SLC30A7: variants seen among roughly 807,000 people sequenced by gnomAD.
SLC30A7 encodes solute carrier family 30 member 7.
SLC30A7 carries 35 observed loss-of-function variants against 46.0 expected under a neutral mutation model. That is an observed-to-expected ratio of 0.76 (90% CI 0.58 to 1.01). SLC30A7 has a LOEUF of 1.01. SLC30A7 is among the 50% of genes least tolerant of loss of function. The pLI, the probability that SLC30A7 is intolerant of heterozygous loss-of-function variation, is 0.00. For missense variants in SLC30A7, 464 were observed against 451.1 expected (o/e 1.03, Z -0.26); for synonymous variants, 147 against 157.8 (o/e 0.93, Z 0.51).
chr1:100,933,421 A>T (rs1209093354), intron 8 of SLC30A7, among the ~76,000 whole-genome samples: 6 of 150,428 alleles, frequency 4.0e-5, no homozygotes, highest in Non-Finnish European at 7.4e-5. Context: ...TTTTTTTTTA[A>T]TTTTTTTTAT....
intron 8 of SLC30A7, among the ~76,000 whole-genome samples, chr1:100,947,196 T>G (rs373583951): frequency 4.0e-4 from 61 of 152,360 alleles, no homozygotes; most frequent in East Asian, 3.5e-3. Context: ...GAGCCTTTAG[T>G]GCTATAATTT....
intron 8 of SLC30A7, among the ~76,000 whole-genome samples, chr1:100,924,421 C>A (rs1227546350): frequency 6.6e-6 from 1 of 152,076 alleles, no homozygotes; most frequent in Non-Finnish European, 1.5e-5. Context: ...CCCTTCCCAC[C>A]AGCATATGTG....
chr1:100,912,697 A>G (rs543428707), intron 5 of SLC30A7, among the ~76,000 whole-genome samples: 27 of 151,838 alleles, frequency 1.8e-4, no homozygotes, highest in Non-Finnish European at 3.4e-4. Context: ...GCTGGGTGAC[A>G]GAGTGAGACT....
intron 8 of SLC30A7, among the ~76,000 whole-genome samples, chr1:100,927,070 G>A (rs968446907): frequency 2.0e-4 from 30 of 152,188 alleles, no homozygotes; most frequent in African/African-American, 6.8e-4. Context: ...AGTGTAACTG[G>A]AGCGCAATGA....
At chr1:100,986,247 T>C (rs898384288), downstream of SLC30A7, among the ~76,000 whole-genome samples, 7 of 151,926 alleles carry the variant, frequency 4.6e-5, no homozygotes, top group African/African-American at 1.7e-4. Flanking sequence ...CCGCCTCTTC[T>C]AAAAATACAA....
chr1:100,969,951 T>C (rs2101097480), intron 10 of SLC30A7, among the ~76,000 whole-genome samples: 1 of 152,316 alleles, frequency 6.6e-6, no homozygotes, highest in South Asian at 2.1e-4. Flanking sequence ...ATGCAATTAG[T>C]ATATGCCAAG....
intron 2 of SLC30A7, among the ~76,000 whole-genome samples, chr1:100,900,754 G>C (rs1156771329): frequency 6.6e-6 from 1 of 152,076 alleles, no homozygotes; most frequent in Non-Finnish European, 1.5e-5. Context: ...AATTGACAGT[G>C]TTTTTCCCTG....
chr1:100,949,426 C>T (rs1406909019), intron 8 of SLC30A7, among the ~76,000 whole-genome samples: 1 of 152,178 alleles, frequency 6.6e-6, no homozygotes, highest in Non-Finnish European at 1.5e-5. Flanking sequence ...TGTCTGTCAG[C>T]CCCTACTGGG....
intron 8 of SLC30A7, among the ~76,000 whole-genome samples, chr1:100,934,975 C>G (rs1653863542): frequency 6.6e-6 from 1 of 152,034 alleles, no homozygotes. Flanking sequence ...GCACTCCAGC[C>G]TGGGTGACAG....
chr1:100,919,068 A>G (rs987445464), intron 7 of SLC30A7, among the ~76,000 whole-genome samples: 1 of 152,144 alleles, frequency 6.6e-6, no homozygotes, highest in African/African-American at 2.4e-5. Context: ...ATATGTTTTT[A>G]TGTTGTGGGA....
In SLC30A7 at chr1:100,965,916, C is replaced by T. The variant is rs773242564; in HGVS notation, c.1081C>T (p.Gln361Ter). 9 of 1,609,234 alleles carry T rather than the reference C, an allele frequency of 5.6e-6. No individual in the cohort carries two copies. The highest frequency in any genetic ancestry group is 7.6e-6 in the Non-Finnish European group (9 of 1,178,566). ...AAGCCAAACACATAATATTTTTACTCAGGTATGTCTTTTTTACTAACTTCT... is the reference window on the plus strand; with the variant it reads ...AAGCCAAACACATAATATTTTTACTTAGGTATGTCTTTTTTACTAACTTCT... ...ILSQTHNIFT[Q>*]AGVRQLYVQI... The change falls in exon 10 of 11, where the codon CAG becomes TAG. Residue 361 changes from glutamine (Q) to a stop codon, truncating the protein, a stop_gained and splice_region_variant. Transcript: ENST00000357650. LOFTEE classifies it high-confidence loss of function.
intron 2 of SLC30A7, among the ~76,000 whole-genome samples, chr1:100,898,436 T>A (rs997169903): frequency 2.1e-4 from 32 of 152,212 alleles, no homozygotes; most frequent in Non-Finnish European, 1.0e-4. Context: ...TTAGGGGACT[T>A]GCTTTTCTTT....
At chr1:100,936,839 G>A (rs1175525370) in intron 8 of SLC30A7, among the ~76,000 whole-genome samples, 1 of 152,098 alleles carries the variant, frequency 6.6e-6, no homozygotes, top group Non-Finnish European at 1.5e-5. Context: ...TAAAAGTAGA[G>A]TCATACAATA....
intron 8 of SLC30A7, among the ~76,000 whole-genome samples, chr1:100,931,126 A>T (rs1225370301): frequency 6.6e-6 from 1 of 152,152 alleles, no homozygotes; most frequent in Non-Finnish European, 1.5e-5. Flanking sequence ...AGTAATGGTA[A>T]ACAGAATTTT....
At chr1:100,947,078 G>T (rs1431660397) in intron 8 of SLC30A7, among the ~76,000 whole-genome samples, 1 of 151,318 alleles carries the variant, frequency 6.6e-6, no homozygotes. Context: ...TTGCATAGAG[G>T]AATTTCTTGC....
intron 8 of SLC30A7, among the ~76,000 whole-genome samples, chr1:100,956,751 C>T (rs1001265300): frequency 6.6e-6 from 1 of 152,194 alleles, no homozygotes; most frequent in African/African-American, 2.4e-5. Context: ...GTCAGTGCCT[C>T]TTCTATTCCT....
intron 4 of SLC30A7, among the ~76,000 whole-genome samples, chr1:100,911,612 G>A (rs1418276345): frequency 1.3e-5 from 2 of 152,040 alleles, no homozygotes; most frequent in African/African-American, 2.4e-5. Flanking sequence ...GTGCAGTGGC[G>A]CGATCTCGGC....
chr1:100,916,886 G>T (rs1023636823), intron 6 of SLC30A7, among the ~76,000 whole-genome samples: 1 of 151,880 alleles, frequency 6.6e-6, no homozygotes, highest in Non-Finnish European at 1.5e-5. Flanking sequence ...GTAACTCTTT[G>T]ACCATTTTAA....
chr1:100,897,771 G>T (rs1651059804), intron 2 of SLC30A7, among the ~76,000 whole-genome samples: 1 of 152,110 alleles, frequency 6.6e-6, no homozygotes, highest in Non-Finnish European at 1.5e-5. Flanking sequence ...GATTATGAAG[G>T]TTATTGGTTT....
Sources: gnomAD v4.1 joint callset for allele counts (sites outside exome capture counted in the v4.1 genomes callset) on GRCh38, gnomAD v4.1.1 for gene constraint, MANE v1.5 for transcripts, NCBI Gene and HGNC (gene_info 2026-07-23, HGNC 2026-07-21) for gene names.